SOX10: variants seen among roughly 807,000 people sequenced by gnomAD.
SOX10 encodes SRY-box transcription factor 10.
Under a neutral mutation model 35.0 loss-of-function variants are expected in SOX10, and 3 were observed. That is an observed-to-expected ratio of 0.09 (90% confidence interval 0.04 to 0.22). SOX10 has a LOEUF of 0.22. Among genes scored for constraint, SOX10 ranks in the 10% least tolerant of loss-of-function variants. The pLI is 1.00. For synonymous variants in SOX10, 285 were observed against 291.0 expected (o/e 0.98, Z 0.21); for missense variants, 436 against 655.1 (o/e 0.67, Z 3.65).
rs957096010 is a variant in SOX10, at chr22:37,980,612, A to C, written c.429-2477T>G. Reference sequence around the variant, plus strand: ...CCCAGCCTGCCCACCATGTAAACCCAATCTCCAGCACCAGTCCCCACTCAA... The same window carrying C: ...CCCAGCCTGCCCACCATGTAAACCCCATCTCCAGCACCAGTCCCCACTCAA... On this transcript the variant is annotated intron_variant, in intron 2 of 3. Coordinates refer to ENST00000396884, the MANE Select transcript of SOX10 (RefSeq NM_006941.4). The surrounding 1 kb of genome is among the most constrained non-coding windows in gnomAD (Gnocchi z 4.1). Among the ~76,000 whole-genome samples the C allele has an allele frequency of 2.0e-5, 3 of 151,762 alleles. No homozygotes were observed. Among genetic ancestry groups the C allele is most frequent in the Non-Finnish European group, 2.9e-5 (2 of 67,922 alleles).
chr22:37,979,533 C>T (rs1351396586), intron 2 of SOX10, among the ~76,000 whole-genome samples: 1 of 151,900 alleles, frequency 6.6e-6, no homozygotes, highest in Non-Finnish European at 1.5e-5. Context: ...CTCCTCTTTA[C>T]CATGGGTCTG....
At chr22:37,975,833 G>A (rs1003891184) in intron 3 of SOX10, among the ~76,000 whole-genome samples, 5 of 152,302 alleles carry the variant, frequency 3.3e-5, no homozygotes, top group Non-Finnish European at 7.3e-5. Context: ...CTGGTGGGCA[G>A]TGGGGTGTTC....
chr22:37,974,971 T>C lies in SOX10; in HGVS notation c.698-773A>G, dbSNP rs1389860716. Among the ~76,000 whole-genome samples, 1 of 152,168 alleles carries C rather than the reference T, an allele frequency of 6.6e-6. No homozygotes were observed. ...CCTCATGTTGTGTCCTTTCCAACCC[T>C]TCCCTCCTCCTGAGCCCACCCTGCT... On this transcript the variant is annotated intron_variant, in intron 3 of 3. Transcript: ENST00000396884. The surrounding 1 kb of genome is among the most constrained non-coding windows in gnomAD (Gnocchi z 5.4).
In SOX10 at chr22:37,973,879, G is replaced by A. The variant is rs747486161; in HGVS notation, c.1017C>T (p.Gly339=). Residue 339 remains glycine, a synonymous_variant, in exon 4 of 4, where the codon GGC becomes GGT. Transcript: ENST00000396884. The stretch of plus-strand genomic sequence containing the variant: ...GTGGTGAGACCGTGGGCAGAGCCAC[G>A]CCTGGTGGCTTGGAGATCCAGGCGG... ...GHSAWISKPP[G]VALPTVSPPG... 9.3e-6 allele frequency: 15 copies of A among 1,610,204 alleles called. No homozygotes were observed. Among genetic ancestry groups the A allele is most frequent in the South Asian group, 7.7e-5 (7 of 91,062 alleles).
In SOX10 at chr22:37,973,431, A is replaced by G; in HGVS notation, c.*64T>C. On this transcript the variant is annotated 3_prime_UTR_variant, in exon 4 of 4. Transcript: ENST00000396884. ...TGCCACCACCAGGCCTGAGGTGGGCAAGGAACAGGGCACACAGGCTGGGGG... is the reference window on the plus strand; with the variant it reads ...TGCCACCACCAGGCCTGAGGTGGGCGAGGAACAGGGCACACAGGCTGGGGG... 2 of 1,105,494 alleles carry G rather than the reference A, an allele frequency of 1.8e-6. No individual in the cohort carries two copies. Among genetic ancestry groups the G allele is most frequent in the South Asian group, 3.1e-5 (2 of 64,952 alleles). 68.5% of individuals were successfully genotyped at this position (1,105,494 alleles called of 1,614,324 possible).
At position 37,983,792 on chromosome 22, in the gene SOX10, CCGG is replaced by C; in HGVS notation, c.-11_-9del. The C allele has an allele frequency of 7.0e-7, 1 of 1,429,152 alleles. No individual in the cohort carries two copies. Among genetic ancestry groups the C allele is most frequent in the South Asian group, 1.3e-5 (1 of 75,902 alleles). The allele number at this position is 1,429,152 out of a possible 1,614,324, so 88.5% of individuals were successfully genotyped here. ...GTCCTGCTCCTCCGCCATGTCGCCCCCGGCCGCCGCCGCCGCCGCCTCGGCCGC... is the reference window on the plus strand; with the variant it reads ...GTCCTGCTCCTCCGCCATGTCGCCCCCCGCCGCCGCCGCCGCCTCGGCCGC... On this transcript the variant is annotated 5_prime_UTR_variant, in exon 2 of 4. Coordinates refer to ENST00000396884, the MANE Select transcript of SOX10 (RefSeq NM_006941.4). The surrounding 1 kb of genome is among the most constrained non-coding windows in gnomAD (Gnocchi z 9.5).
Position 37,978,039 on chromosome 22 carries a change from G to C in SOX10, c.525C>G (p.Pro175=), listed in dbSNP as rs764460100. The change falls in exon 3 of 4, where the codon CCC becomes CCG. Residue 175 remains proline (P), a synonymous_variant. Coordinates refer to ENST00000396884, the MANE Select transcript of SOX10 (RefSeq NM_006941.4). This position sits in a 1 kb window ranked among gnomAD's most constrained non-coding sequence, Gnocchi z 5.0. ...KKDHPDYKYQ[P]RRRKNGKAAQ... is the part of the protein sequence containing the mutation. Reference sequence around the variant, plus strand: ...CGGCCTTCCCGTTCTTCCGCCGCCTGGGCTGGTACTTGTAGTCCGGGTGGT... The same window carrying C: ...CGGCCTTCCCGTTCTTCCGCCGCCTCGGCTGGTACTTGTAGTCCGGGTGGT... 2 of 1,611,332 alleles carry C rather than the reference G, an allele frequency of 1.2e-6. No individual in the cohort carries two copies. Among genetic ancestry groups the C allele is most frequent in the South Asian group, 2.2e-5 (2 of 90,848 alleles).
Position 37,983,416 on chromosome 22 carries a change from C to T in SOX10, c.369G>A (p.Ala123=). ...CGTTGTGCAGGTGCGGGTACTGGTC[C>T]GCGAGCTTCCTGCGCGCTGCCTGAG... ...VWAQAARRKL[A]DQYPHLHNAE... Residue 123 remains alanine (A), a synonymous_variant, in exon 2 of 4, where the codon GCG becomes GCA. Coordinates refer to ENST00000396884, the MANE Select transcript of SOX10 (RefSeq NM_006941.4). The surrounding 1 kb of genome is among the most constrained non-coding windows in gnomAD (Gnocchi z 9.5). The T allele has an allele frequency of 6.2e-7, 1 of 1,610,952 alleles. No homozygotes were observed. The highest frequency in any genetic ancestry group is 8.5e-7 in the Non-Finnish European group (1 of 1,179,080).
chr22:37,981,532 G>T (rs899844079), intron 2 of SOX10, among the ~76,000 whole-genome samples: 2 of 152,208 alleles, frequency 1.3e-5, no homozygotes, highest in East Asian at 1.9e-4. Context: ...GGGGAACCTG[G>T]GGACAGGGAC....
Position 37,983,836 on chromosome 22 carries a change from C to A in SOX10, c.-52G>T. ...CCTCGGCCGCCTCCCCCGGGCCAGC[C>A]GCCGGGGTCCTCGCAAAGAGTCCAA... is the stretch of plus-strand genomic sequence containing the variant. On this transcript the variant is annotated 5_prime_UTR_variant, in exon 2 of 4. Coordinates refer to ENST00000396884, the MANE Select transcript of SOX10 (RefSeq NM_006941.4). The surrounding 1 kb of genome is among the most constrained non-coding windows in gnomAD (Gnocchi z 9.5). 1 of 1,336,152 alleles carries A rather than the reference C, an allele frequency of 7.5e-7. No homozygotes were observed. Among genetic ancestry groups the A allele is most frequent in the Non-Finnish European group, 9.6e-7 (1 of 1,041,922 alleles). The allele number at this position is 1,336,152 out of a possible 1,614,324, so 82.8% of individuals were successfully genotyped here.
rs774065106 is a variant in SOX10 at position 37,983,789 on chromosome 22, C to T, written c.-5G>A. On this transcript the variant is annotated 5_prime_UTR_variant, in exon 2 of 4. Transcript: ENST00000396884. This position sits in a 1 kb window ranked among gnomAD's most constrained non-coding sequence, Gnocchi z 9.5. ...TAGGTCCTGCTCCTCCGCCATGTCG[C>T]CCCCGGCCGCCGCCGCCGCCGCCTC... The T allele has an allele frequency of 9.1e-6, 13 of 1,431,032 alleles. No homozygotes were observed. The highest frequency in any genetic ancestry group is 1.1e-5 in the Non-Finnish European group (12 of 1,092,070). The allele number at this position is 1,431,032 out of a possible 1,614,324, so 88.6% of individuals were successfully genotyped here.
At chr22:37,976,933 G>A (rs1260210486) in intron 3 of SOX10, among the ~76,000 whole-genome samples, 6 of 151,842 alleles carry the variant, frequency 4.0e-5, no homozygotes, top group Non-Finnish European at 2.9e-5. Context: ...TTGGGAGGCC[G>A]AGGCGGGCAG....
chr22:37,978,536 T>C lies in SOX10; in HGVS notation c.429-401A>G, dbSNP rs556377034. On this transcript the variant is annotated intron_variant, in intron 2 of 3. Transcript: ENST00000396884. The surrounding 1 kb of genome is among the most constrained non-coding windows in gnomAD (Gnocchi z 5.0). ...GCTACTTCAGTGGGGGTGAGCTCCCTGGGACTGAGGGTGGGCAATAGAAGC... is the reference window on the plus strand; with the variant it reads ...GCTACTTCAGTGGGGGTGAGCTCCCCGGGACTGAGGGTGGGCAATAGAAGC... Among the ~76,000 whole-genome samples the C allele has an allele frequency of 2.0e-5, 3 of 152,326 alleles. No individual in the cohort carries two copies. The highest frequency in any genetic ancestry group is 7.2e-5 in the African/African-American group (3 of 41,582).
rs191289936 is a variant in SOX10, at chr22:37,981,308, C to G, written c.428+2049G>C. 9.2e-5 allele frequency among the ~76,000 whole-genome samples: 14 copies of G among 152,344 alleles called. No homozygotes were observed. In the East Asian group the frequency reaches 1.5e-3, roughly 17 times the overall value. On this transcript the variant is annotated intron_variant, in intron 2 of 3. Coordinates refer to ENST00000396884, the MANE Select transcript of SOX10 (RefSeq NM_006941.4). ...GCCCAAATCCAAATGTCTCTCAGGA[C>G]CCCCCTCCAGGGTCCAGGGAGCCAC... is the stretch of plus-strand genomic sequence containing the variant.
rs1569167146 is a variant in SOX10 at position 37,972,322 on chromosome 22, CTTTAAT to C, written c.*1167_*1172del. 3.3e-5 allele frequency: 34 copies of C among 1,039,556 alleles called. No homozygotes were observed. The Middle Eastern group carries it at 7.2e-4, about 22-fold the overall frequency. 64.4% of individuals were successfully genotyped at this position (1,039,556 alleles called of 1,614,324 possible). A position where few individuals can be genotyped will look rare whatever the true frequency, so the allele number is the denominator to read the frequency against. On this transcript the variant is annotated 3_prime_UTR_variant, in exon 4 of 4. Transcript: ENST00000396884. ...GGCTCACCAAGCAGGTAACCGGAAC[CTTTAAT>C]TTTATTATGTGGAATGCTTAATGCA... is the stretch of plus-strand genomic sequence containing the variant.
intron 3 of SOX10, among the ~76,000 whole-genome samples, chr22:37,976,996 T>C (rs1474329810): frequency 6.6e-6 from 1 of 151,830 alleles, no homozygotes; most frequent in East Asian, 2.0e-4. Context: ...AGTGAAACCC[T>C]GTCTCTGCTA....
chr22:37,979,106 T>A (rs993116207), intron 2 of SOX10, among the ~76,000 whole-genome samples: 1 of 150,040 alleles, frequency 6.7e-6, no homozygotes, highest in African/African-American at 2.5e-5. Flanking sequence ...TTTAATTTTT[T>A]ATTTATTTAG....
chr22:37,983,157 G>A lies in SOX10; in HGVS notation c.428+200C>T, dbSNP rs146368084. Among the ~76,000 whole-genome samples the A allele has an allele frequency of 4.4e-4, 67 of 152,366 alleles. No homozygotes were observed. The East Asian group carries it at 0.013, about 29-fold the overall frequency. On this transcript the variant is annotated intron_variant, in intron 2 of 3. Coordinates refer to ENST00000396884, the MANE Select transcript of SOX10 (RefSeq NM_006941.4). The surrounding 1 kb of genome is among the most constrained non-coding windows in gnomAD (Gnocchi z 9.5). ...GCCCGCCGCCCCGTAGGGAGACCCG[G>A]CCTAGGCCGCTGGAGTTCCGAGTTC... is the stretch of plus-strand genomic sequence containing the variant.
chr22:37,981,831 G>A (rs941037180), intron 2 of SOX10, among the ~76,000 whole-genome samples: 15 of 152,226 alleles, frequency 9.9e-5, no homozygotes, highest in African/African-American at 2.4e-4. Flanking sequence ...TCCACACAGC[G>A]GGCTGGTCGC....
Sources: allele counts gnomAD v4.1 joint callset (sites outside exome capture counted in the v4.1 genomes callset), GRCh38; gene constraint gnomAD v4.1.1; non-coding constraint Gnocchi (gnomAD v3.1); transcripts MANE v1.5; gene names NCBI Gene and HGNC (gene_info 2026-07-23, HGNC 2026-07-21).